The following PPM1K variants were observed in gnomAD, a reference collection of about 807,000 sequenced individuals.
PPM1K encodes protein phosphatase Mn(2+)-dependent 1K.
PPM1K carries 19 observed loss-of-function variants against 32.6 expected under a neutral mutation model. The observed-to-expected ratio is 0.58, with a 90% CI of 0.41 to 0.86. PPM1K has a LOEUF of 0.86. PPM1K is among the 40% of genes least tolerant of loss of function. The pLI is 0.00. For missense variants in PPM1K, 362 were observed against 461.2 expected, an observed-to-expected ratio of 0.78 and a Z score of 1.97; for synonymous variants, 159 against 165.3, an observed-to-expected ratio of 0.96 and a Z score of 0.29.
intron 4 of PPM1K, 96 bp downstream of exon 4, chr4:88,268,645 C>G (rs1279400587): frequency 7.8e-7 from 1 of 1,279,778 alleles, no homozygotes; most frequent in African/African-American, 1.5e-5. Flanking sequence ...AAAACCAAGT[C>G]ACTGTTAAAC....
chr4:88,260,489 C>T lies in PPM1K; in HGVS notation c.*2106G>A, dbSNP rs147088030. Reference sequence around the variant, plus strand: ...GATTAGAAAAAGCAAGATGGTTTCCCGCTTTAGTTGCCTCCCTTTGGTTCC... The same window carrying T: ...GATTAGAAAAAGCAAGATGGTTTCCTGCTTTAGTTGCCTCCCTTTGGTTCC... On this transcript the variant is annotated 3_prime_UTR_variant, in exon 7 of 7. Transcript: ENST00000608933. The T allele has an allele frequency of 1.2e-4, 18 of 152,152 alleles. No homozygotes were observed. The East Asian group carries it at 1.9e-3, about 16-fold the overall frequency. The allele number at this position is 152,152 out of a possible 1,614,324, so 9.4% of individuals were successfully genotyped here. A position where few individuals can be genotyped will look rare whatever the true frequency, so the allele number is the denominator to read the frequency against.
chr4:88,277,375 T>C (rs1184924699), intron 2 of PPM1K, 132 bp from the exon 3 acceptor site: 1 of 638,788 alleles, frequency 1.6e-6, no homozygotes, highest in African/African-American at 1.8e-5. Flanking sequence ...GAAGACCTAC[T>C]GGCTAAGGAA....
intron 3 of PPM1K, chr4:88,275,611 C>T (rs1731734252): frequency 1.0e-6 from 1 of 985,354 alleles, no homozygotes; most frequent in Non-Finnish European, 1.2e-6. Context: ...ACATTCTCAT[C>T]CAAAAACCTT....
Position 88,266,567 on chromosome 4 carries a change from C to T in PPM1K, c.853-1432G>A, listed in dbSNP as rs1472722214. On this transcript the variant is annotated intron_variant, in intron 5 of 6. Coordinates refer to ENST00000608933, the MANE Select transcript of PPM1K (RefSeq NM_152542.5). ...ATTGACTGCGTGCAGGTGATGCTAG[C>T]TGATTGGGTGCAGGTGATGCTGGCT... is the stretch of plus-strand genomic sequence containing the variant. Among the ~76,000 whole-genome samples, 8 of 142,364 alleles carry T rather than the reference C, an allele frequency of 5.6e-5. No homozygotes were observed. In the Admixed American group the frequency reaches 5.7e-4, roughly 10 times the overall value. The allele number at this position is 142,364 out of a possible 152,430, so 93.4% of individuals were successfully genotyped here.
chr4:88,260,832 A>G lies in PPM1K; in HGVS notation c.*1763T>C, dbSNP rs1263123197. 2 of 151,998 alleles carry G rather than the reference A, an allele frequency of 1.3e-5. No individual in the cohort carries two copies. The highest frequency in any genetic ancestry group is 4.8e-5 in the African/African-American group (2 of 41,386). 9.4% of individuals were successfully genotyped at this position (151,998 alleles called of 1,614,324 possible). Reference sequence around the variant, plus strand: ...ATCAACTTTTTCTTTTGTTTCTGCCACAGAATTCCATGTCATTCTTAAGAT... The same window carrying G: ...ATCAACTTTTTCTTTTGTTTCTGCCGCAGAATTCCATGTCATTCTTAAGAT... On this transcript the variant is annotated 3_prime_UTR_variant, in exon 7 of 7. Transcript: ENST00000608933.
At chr4:88,276,473 T>G in intron 3 of PPM1K, 1 of 985,424 alleles carries the variant, frequency 1.0e-6, no homozygotes, top group Non-Finnish European at 1.2e-6. Context: ...TTTTGATAAA[T>G]TTAGTCAAAA....
intron 1 of PPM1K, among the ~76,000 whole-genome samples, chr4:88,281,683 A>T (rs1223398333): frequency 6.6e-6 from 1 of 152,208 alleles, no homozygotes; most frequent in African/African-American, 2.4e-5. Context: ...GGTAAACGAG[A>T]TGTTACGAAC....
At chr4:88,265,367 T>C (rs1273722539) in intron 5 of PPM1K, among the ~76,000 whole-genome samples, 1 of 152,200 alleles carries the variant, frequency 6.6e-6, no homozygotes. Flanking sequence ...GCGGTGGGTC[T>C]TTCCCATGCC....
At chr4:88,277,362 G>A (rs1267567554) in intron 2 of PPM1K, 119 bp from the exon 3 acceptor site, 1 of 673,446 alleles carries the variant, frequency 1.5e-6, no homozygotes, top group East Asian at 2.7e-5. Context: ...CCTGTCAAAT[G>A]CTGAAGACCT....
rs1311628733 is a variant in PPM1K, at chr4:88,275,488, C to T, written c.541+1655G>A. ...AGTCCTGTCATATTTTACATCAAGTCAATCACCGATTGGTTTAAGCATCTA... is the reference window on the plus strand; with the variant it reads ...AGTCCTGTCATATTTTACATCAAGTTAATCACCGATTGGTTTAAGCATCTA... On this transcript the variant is annotated intron_variant, in intron 3 of 6. Coordinates refer to ENST00000608933, the MANE Select transcript of PPM1K (RefSeq NM_152542.5). 5.1e-6 allele frequency: 5 copies of T among 985,286 alleles called. No individual in the cohort carries two copies. The East Asian group carries it at 3.4e-4, about 67-fold the overall frequency. The allele number at this position is 985,286 out of a possible 1,614,324, so 61.0% of individuals were successfully genotyped here.
In PPM1K at chr4:88,271,328, T is replaced by G. The variant is rs182804807; in HGVS notation, c.542-2422A>C. 3.4e-3 allele frequency: 759 copies of G among 224,492 alleles called. 5 individuals carry two copies. The highest frequency in any genetic ancestry group is 0.016 in the African/African-American group (705 of 43,256). 13.9% of individuals were successfully genotyped at this position (224,492 alleles called of 1,614,324 possible). Reference sequence around the variant, plus strand: ...AGGGTTTTTTATTTTGGTGAAAATTTAACTAGCAAATTATATAATATTCCA... The same window carrying G: ...AGGGTTTTTTATTTTGGTGAAAATTGAACTAGCAAATTATATAATATTCCA... On this transcript the variant is annotated intron_variant, in intron 3 of 6. Transcript: ENST00000608933.
Position 88,262,399 on chromosome 4 carries a change from A to G in PPM1K, c.*196T>C, listed in dbSNP as rs1578309507. On this transcript the variant is annotated 3_prime_UTR_variant, in exon 7 of 7. Transcript: ENST00000608933. ...CCATTTAAAGACTCACAGTAGCTTC[A>G]CTACACATATATTTATACTGAACAT... 7.8e-6 allele frequency: 4 copies of G among 510,396 alleles called. No homozygotes were observed. In the East Asian group the frequency reaches 1.1e-4, roughly 14 times the overall value. 31.6% of individuals were successfully genotyped at this position (510,396 alleles called of 1,614,324 possible).
intron 2 of PPM1K, 27 bp from the exon 3 acceptor site, chr4:88,277,270 T>C (rs1420847443): frequency 1.4e-6 from 2 of 1,463,802 alleles, no homozygotes; most frequent in East Asian, 4.5e-5. Flanking sequence ...AAAAGAGCCT[T>C]AAACAATCAT....
intron 1 of PPM1K, chr4:88,284,027 C>T (rs1359022141): frequency 6.6e-6 from 1 of 152,366 alleles, no homozygotes; most frequent in Admixed American, 6.5e-5. Flanking sequence ...GCTTCCGGGG[C>T]CTCGGGCAAG....
chr4:88,268,061 T>A, intron 5 of PPM1K, 129 bp downstream of exon 5: 1 of 974,202 alleles, frequency 1.0e-6, no homozygotes, highest in Admixed American at 2.4e-5. Flanking sequence ...AGTTTTTTTA[T>A]CCTTCCATAA....
chr4:88,266,988 G>C (rs568731681), intron 5 of PPM1K, among the ~76,000 whole-genome samples: 237 of 146,306 alleles, frequency 1.6e-3, no homozygotes, highest in African/African-American at 5.8e-3. Flanking sequence ...GGATGCAGGT[G>C]ATGCTGATTG....
chr4:88,264,976 T>G (rs1731248538), intron 6 of PPM1K, 25 bp downstream of exon 6: 1 of 1,612,600 alleles, frequency 6.2e-7, no homozygotes, highest in African/African-American at 1.3e-5. Flanking sequence ...TCCTTGGGAC[T>G]TTTCAGGCAG....
chr4:88,257,745 C>A lies in PPM1K; in HGVS notation c.*4850G>T, dbSNP rs1730959567. On this transcript the variant is annotated 3_prime_UTR_variant, in exon 7 of 7. Transcript: ENST00000608933. Reference sequence around the variant, plus strand: ...GGTCAAAGCAGCAATTACATTAACTCACTGCAGGAGTCATTATACACTCAG... The same window carrying A: ...GGTCAAAGCAGCAATTACATTAACTAACTGCAGGAGTCATTATACACTCAG... 6.6e-6 allele frequency: 1 copy of A among 152,228 alleles called. No homozygotes were observed. The highest frequency in any genetic ancestry group is 2.4e-5 in the African/African-American group (1 of 41,460). The allele number at this position is 152,228 out of a possible 1,614,324, so 9.4% of individuals were successfully genotyped here. A position where few individuals can be genotyped will look rare whatever the true frequency, so the allele number is the denominator to read the frequency against.
Position 88,262,603 on chromosome 4 carries a change from A to G in PPM1K, c.1111T>C (p.Trp371Arg), listed in dbSNP as rs777160539. ...FSRSFASSGR[W>R]A ...TAAGTCCCAGCTGGTAATCAGGCCC[A>G]TCGTCCACTGGAGGCAAAGCTTCTG... Residue 371 changes from tryptophan (W) to arginine (R), a missense_variant, in exon 7 of 7, where the codon TGG (tryptophan) becomes CGG (arginine). Physicochemically the swap from Trp to Arg is moderately radical, Grantham distance 101. Coordinates refer to ENST00000608933, the MANE Select transcript of PPM1K (RefSeq NM_152542.5). 1.2e-6 allele frequency: 2 copies of G among 1,613,934 alleles called. No individual in the cohort carries two copies. The highest frequency in any genetic ancestry group is 1.7e-6 in the Non-Finnish European group (2 of 1,179,924).
Sources: allele counts gnomAD v4.1 joint callset (sites outside exome capture counted in the v4.1 genomes callset), GRCh38; gene constraint gnomAD v4.1.1; transcripts MANE v1.5; gene names NCBI Gene and HGNC (gene_info 2026-07-23, HGNC 2026-07-21).